RSRC1: variants seen among roughly 807,000 people sequenced by gnomAD.
RSRC1 encodes serine/Arginine-related protein 53.
RSRC1 carries 39 observed loss-of-function variants against 49.1 expected under a neutral mutation model. The ratio of observed to expected loss-of-function variants is 0.79; its 90% CI spans 0.61 to 1.04. RSRC1 has a LOEUF of 1.04. RSRC1 is among the 50% of genes least tolerant of loss of function. The pLI, the probability that RSRC1 is intolerant of heterozygous loss-of-function variation, is 0.00. For synonymous variants in RSRC1, 143 were observed against 130.8 expected (o/e 1.09, Z -0.63); for missense variants, 388 against 402.4 (o/e 0.96, Z 0.31).
chr3:158,273,741 A>G (rs547676614), intron 4 of RSRC1, among the ~76,000 whole-genome samples: 4 of 152,264 alleles, frequency 2.6e-5, no homozygotes, highest in African/African-American at 9.6e-5. Flanking sequence ...TTGAGTTAAA[A>G]CATGATAATA....
chr3:158,182,293 A>C (rs1453228351), intron 3 of RSRC1, among the ~76,000 whole-genome samples: 1 of 152,194 alleles, frequency 6.6e-6, no homozygotes, highest in African/African-American at 2.4e-5. Context: ...AGTTAATTAC[A>C]AATCATTTAT....
chr3:158,533,651 C>T (rs1712543919), intron 7 of RSRC1, among the ~76,000 whole-genome samples: 1 of 151,562 alleles, frequency 6.6e-6, no homozygotes, highest in South Asian at 2.1e-4. Context: ...AGTGGTCCAA[C>T]ATTTCATTCA....
At position 158,483,152 on chromosome 3, in the gene RSRC1, T is replaced by C. The variant is rs150626080; in HGVS notation, c.652+22149T>C. Among the ~76,000 whole-genome samples the C allele has an allele frequency of 7.9e-4, 120 of 152,162 alleles. No individual in the cohort carries two copies. The East Asian group carries it at 0.022, about 27-fold the overall frequency. On this transcript the variant is annotated intron_variant, in intron 7 of 9. Coordinates refer to ENST00000611884, the MANE Select transcript of RSRC1 (RefSeq NM_001271838.2). ...AGAAAAAGAAAAAGCTCATCCTCCT[T>C]CTTCCTCTTAATATGAATGTTTGAC...
intron 4 of RSRC1, among the ~76,000 whole-genome samples, chr3:158,285,326 G>A (rs1317379422): frequency 3.2e-4 from 49 of 152,274 alleles, no homozygotes; most frequent in African/African-American, 8.2e-4. Flanking sequence ...GTCAGGTAGC[G>A]TGATGCCTCC....
chr3:158,342,321 G>T (rs1730294871), intron 5 of RSRC1, among the ~76,000 whole-genome samples: 1 of 152,118 alleles, frequency 6.6e-6, no homozygotes, highest in South Asian at 2.1e-4. Flanking sequence ...ACATGTTGTT[G>T]GAGAGAGCCT....
intron 6 of RSRC1, among the ~76,000 whole-genome samples, chr3:158,425,432 G>T (rs993150689): frequency 1.3e-5 from 2 of 152,094 alleles, no homozygotes; most frequent in African/African-American, 4.8e-5. Flanking sequence ...TGATTGCACT[G>T]TGGTCTGAGA....
chr3:158,451,523 A>G (rs1252552003), intron 6 of RSRC1, among the ~76,000 whole-genome samples: 1 of 152,026 alleles, frequency 6.6e-6, no homozygotes, highest in Non-Finnish European at 1.5e-5. Flanking sequence ...CTGGCACTTC[A>G]GTCACCTGGT....
At chr3:158,266,563 A>G (rs1056157305) in intron 4 of RSRC1, among the ~76,000 whole-genome samples, 4 of 152,108 alleles carry the variant, frequency 2.6e-5, no homozygotes, top group Non-Finnish European at 5.9e-5. Context: ...TATACTTTTT[A>G]TCATTACATT....
intron 4 of RSRC1, among the ~76,000 whole-genome samples, chr3:158,237,568 T>TAGAA (rs565771438): frequency 1.3e-5 from 2 of 152,324 alleles, no homozygotes; most frequent in South Asian, 4.1e-4. Context: ...AGTTTGCACT[T>TAGAA]TTCTGACAAC....
chr3:158,201,965 A>AT (rs1320707740), intron 3 of RSRC1, among the ~76,000 whole-genome samples: 3 of 151,986 alleles, frequency 2.0e-5, no homozygotes, highest in Non-Finnish European at 2.9e-5. Flanking sequence ...ACCTTTGTTT[A>AT]TTTTTTTGTT....
In RSRC1 at chr3:158,539,641, T is replaced by C. The variant is rs189499011; in HGVS notation, c.759+2443T>C. ...TGGCAGCGCTACTCAAAGCCATATA[T>C]TTCATAGTAGCCATTTTGAGGTTTT... On this transcript the variant is annotated intron_variant, in intron 8 of 9. Coordinates refer to ENST00000611884, the MANE Select transcript of RSRC1 (RefSeq NM_001271838.2). The surrounding 1 kb of genome is among the most constrained non-coding windows in gnomAD (Gnocchi z 4.1). Among the ~76,000 whole-genome samples the C allele has an allele frequency of 2.0e-5, 3 of 152,260 alleles. No individual in the cohort carries two copies. The highest frequency in any genetic ancestry group is 2.0e-4 in the Admixed American group (3 of 15,282).
At chr3:158,139,283 C>T (rs948394221) in intron 3 of RSRC1, among the ~76,000 whole-genome samples, 4 of 151,958 alleles carry the variant, frequency 2.6e-5, no homozygotes, top group Non-Finnish European at 5.9e-5. Context: ...TGCCTGTAAT[C>T]CCAGCTACTC....
At chr3:158,275,553 A>G (rs1009436504) in intron 4 of RSRC1, among the ~76,000 whole-genome samples, 2 of 152,322 alleles carry the variant, frequency 1.3e-5, no homozygotes, top group Non-Finnish European at 1.5e-5. Flanking sequence ...TTTTAAACCT[A>G]TTATACTACA....
chr3:158,119,050 C>T (rs548579541), intron 1 of RSRC1, among the ~76,000 whole-genome samples: 1 of 152,246 alleles, frequency 6.6e-6, no homozygotes, highest in Admixed American at 6.5e-5. Flanking sequence ...CCTGGTGCTT[C>T]TTTGATTCAT....
intron 7 of RSRC1, among the ~76,000 whole-genome samples, chr3:158,529,214 G>GTA (rs10596761): frequency 0.024 from 3,442 of 143,102 alleles, 74 homozygotes; most frequent in African/African-American, 0.048. Context: ...ATGTGTGTGT[G>GTA]TATATATATA....
At chr3:158,305,905 GTGAAATTTATCAAAGCATAAGACTT>G (rs1727813564) in intron 5 of RSRC1, among the ~76,000 whole-genome samples, 1 of 151,976 alleles carries the variant, frequency 6.6e-6, no homozygotes, top group African/African-American at 2.4e-5. Flanking sequence ...AAAATAGTGT[GTGAAATTTATCAAAGCATAAGACTT>G]TTTAAAGTAT....
intron 6 of RSRC1, among the ~76,000 whole-genome samples, chr3:158,420,440 A>G (rs555884361): frequency 2.0e-5 from 3 of 152,080 alleles, no homozygotes; most frequent in Admixed American, 6.6e-5. Flanking sequence ...TCTGATTAGC[A>G]ATGTGAGAAG....
intron 3 of RSRC1, among the ~76,000 whole-genome samples, chr3:158,133,854 A>C (rs1383939948): frequency 6.6e-6 from 1 of 152,192 alleles, no homozygotes. Flanking sequence ...TTCTTAGTTT[A>C]CTAAGTGGAA....
At chr3:158,518,148 ATTTTTT>A (rs72132266) in intron 7 of RSRC1, among the ~76,000 whole-genome samples, 1 of 44,142 alleles carries the variant, frequency 2.3e-5, no homozygotes. Flanking sequence ...ATATATATAT[ATTTTTT>A]TTTTTTTTTT....
Sources: allele counts gnomAD v4.1 joint callset (sites outside exome capture counted in the v4.1 genomes callset), GRCh38; gene constraint gnomAD v4.1.1; non-coding constraint Gnocchi (gnomAD v3.1); transcripts MANE v1.5; gene names NCBI Gene and HGNC (gene_info 2026-07-23, HGNC 2026-07-21).